Variants in PAK3 observed in about 807,000 individuals in gnomAD.
PAK3 encodes the protein serine/threonine-protein kinase PAK 3.
In PAK3, 4 loss-of-function variants were observed where a neutral mutation model predicts 41.0. The ratio of observed to expected loss-of-function variants is 0.10; its 90% CI spans 0.05 to 0.22. PAK3 has a LOEUF of 0.22. PAK3 is among the 10% of genes least tolerant of loss of function. PAK3 has a pLI of 1.00. For synonymous variants in PAK3, 146 were observed against 139.6 expected, an observed-to-expected ratio of 1.05 and a Z score of -0.32; for missense variants, 205 against 409.9, an observed-to-expected ratio of 0.50 and a Z score of 4.32.
At chrX:111,048,638 C>G (rs1309464343) in intron 1 of PAK3, among the ~76,000 whole-genome samples, 7 of 111,553 alleles carry the variant, frequency 6.3e-5, no homozygotes, top group Non-Finnish European at 9.4e-5. Flanking sequence ...TTTCTCCCAC[C>G]CAACACATCC....
upstream of PAK3, among the ~76,000 whole-genome samples, chrX:111,094,930 C>A (rs1423130473): frequency 9.0e-6 from 1 of 110,944 alleles, no homozygotes; most frequent in Non-Finnish European, 1.9e-5. Context: ...CTCAGGTGAT[C>A]CGCCCGCCTG....
At chrX:111,085,447 T>C (rs938445878) in intron 1 of PAK3, among the ~76,000 whole-genome samples, 1 of 112,537 alleles carries the variant, frequency 8.9e-6, no homozygotes, top group African/African-American at 3.2e-5. Context: ...CTGTTAGGCA[T>C]TTTAAATTTC....
chrX:111,075,322 A>G (rs763762860), intron 1 of PAK3, among the ~76,000 whole-genome samples: 1 of 112,632 alleles, frequency 8.9e-6, no homozygotes, highest in South Asian at 3.6e-4. Context: ...GAATGGCTTC[A>G]TGGGCCAGGC....
At chrX:111,084,901 C>T (rs932475128) in intron 1 of PAK3, among the ~76,000 whole-genome samples, 2 of 111,707 alleles carry the variant, frequency 1.8e-5, no homozygotes, top group African/African-American at 6.5e-5. Flanking sequence ...AAACGACTAC[C>T]CCTTTTTATA....
At chrX:111,158,621 A>G (rs2094135890) in intron 8 of PAK3, among the ~76,000 whole-genome samples, 1 of 112,123 alleles carries the variant, frequency 8.9e-6, no homozygotes, top group African/African-American at 3.2e-5. Flanking sequence ...AATGCCATAC[A>G]TTCTTCCAAG....
intron 3 of PAK3, among the ~76,000 whole-genome samples, chrX:111,101,741 G>T (rs1399007525): frequency 2.7e-5 from 3 of 111,999 alleles, no homozygotes; most frequent in African/African-American, 9.8e-5. Context: ...CGTAGGGAGG[G>T]AGGGGGCGAG....
At chrX:111,180,117 C>T (rs985238769) in intron 11 of PAK3, among the ~76,000 whole-genome samples, 3 of 111,204 alleles carry the variant, frequency 2.7e-5, no homozygotes, top group South Asian at 3.8e-4. Context: ...GAGTTACATA[C>T]GAAAGTGTTC....
chrX:111,019,613 C>T (rs2092143813), intron 1 of PAK3, among the ~76,000 whole-genome samples: 1 of 96,554 alleles, frequency 1.0e-5, no homozygotes, highest in Non-Finnish European at 2.0e-5. Context: ...TTGATTGAGC[C>T]TAGGAGGTTG....
intron 1 of PAK3, among the ~76,000 whole-genome samples, chrX:111,041,408 G>A (rs1308259809): frequency 9.0e-6 from 1 of 111,626 alleles, no homozygotes; most frequent in East Asian, 2.9e-4. Flanking sequence ...CTGGGGCAGA[G>A]ATTGCCTCAC....
intron 4 of PAK3, among the ~76,000 whole-genome samples, chrX:111,116,030 C>G (rs1339302): frequency 9.1e-6 from 1 of 109,834 alleles, no homozygotes; most frequent in Admixed American, 9.7e-5. Flanking sequence ...TGATATTTCA[C>G]TGGGGTGGAT....
At chrX:110,978,104 T>G (rs1422497312) in intron 1 of PAK3, among the ~76,000 whole-genome samples, 2 of 111,895 alleles carry the variant, frequency 1.8e-5, no homozygotes, top group African/African-American at 3.2e-5. Context: ...GGTGTTAAAT[T>G]TTGTAAAAAG....
Position 111,123,433 on chromosome X carries a change from T to C in PAK3, c.175+155T>C, listed in dbSNP as rs144946185. 7.1e-3 allele frequency: 885 copies of C among 124,498 alleles called. 7 individuals carry two copies. The highest frequency in any genetic ancestry group is 0.013 in the Admixed American group (138 of 10,759). 10.3% of individuals were successfully genotyped at this position (124,498 alleles called of 1,213,427 possible). A position where few individuals can be genotyped will look rare whatever the true frequency, so the allele number is the denominator to read the frequency against. ...GAGGTTGCATTTTGTCAGAGAATAA[T>C]GTTTGATTGATTTACTGTGGGCTGA... On this transcript the variant is annotated intron_variant, in intron 5 of 17. Transcript: ENST00000372007.
intron 5 of PAK3, among the ~76,000 whole-genome samples, chrX:111,131,391 T>G (rs2149042386): frequency 9.0e-6 from 1 of 111,549 alleles, no homozygotes; most frequent in Non-Finnish European, 1.9e-5. Flanking sequence ...CCCAAGATGC[T>G]AAGTTTATGC....
At chrX:111,203,436 C>T (rs2094705370) in intron 16 of PAK3, among the ~76,000 whole-genome samples, 1 of 111,375 alleles carries the variant, frequency 9.0e-6, no homozygotes, top group Non-Finnish European at 1.9e-5. Context: ...GGGCTAGCTG[C>T]TGACCGAGTA....
At chrX:111,162,882 T>A (rs1234282612) in intron 8 of PAK3, 33 bp from the exon 9 acceptor site, 1 of 1,174,798 alleles carries the variant, frequency 8.5e-7, no homozygotes, top group Non-Finnish European at 1.2e-6. Flanking sequence ...GAGGAGTTAA[T>A]ACCTGATCTT....
chrX:111,069,445 C>G (rs1388455116), intron 1 of PAK3, among the ~76,000 whole-genome samples: 1 of 111,712 alleles, frequency 9.0e-6, no homozygotes, highest in African/African-American at 3.3e-5. Context: ...CTCTTCAAAC[C>G]TACTGTTTCT....
chrX:111,041,006 C>T (rs933127812), intron 1 of PAK3, among the ~76,000 whole-genome samples: 3 of 112,426 alleles, frequency 2.7e-5, no homozygotes, highest in African/African-American at 9.7e-5. Context: ...GAGTCAGTTC[C>T]TCAGTGGACC....
rs1429686948 is a variant in PAK3 at position 111,152,426 on chromosome X, A to T, written c.447A>T (p.Gly149=). The change falls in exon 8 of 18, where the codon GGA becomes GGT. Residue 149 remains glycine (G), a synonymous_variant. Coordinates refer to ENST00000372007, the MANE Select transcript of PAK3 (RefSeq NM_002578.5). ...ACTTTGCAGATAAAAGTGCACATGG[A>T]TACATAGCAGCCCATCCTTCGGTAA... ...SFTSGDKSAH[G]YIAAHPSSTK... is the part of the protein sequence containing the mutation. 4.2e-6 allele frequency: 5 copies of T among 1,177,968 alleles called. No homozygotes were observed. Among genetic ancestry groups the T allele is most frequent in the East Asian group, 3.0e-5 (1 of 33,563 alleles).
At chrX:110,953,950 C>A (rs2090797847) in intron 1 of PAK3, among the ~76,000 whole-genome samples, 1 of 112,111 alleles carries the variant, frequency 8.9e-6, no homozygotes, top group Admixed American at 9.4e-5. Context: ...CCCAAGCTTT[C>A]CTTTGAATCC....
Sources: gnomAD v4.1 joint callset for allele counts (sites outside exome capture counted in the v4.1 genomes callset) on GRCh38, gnomAD v4.1.1 for gene constraint, MANE v1.5 for transcripts, NCBI Gene and HGNC (gene_info 2026-07-23, HGNC 2026-07-21) for gene names.